The following SNX29 variants were observed in gnomAD, a reference collection of about 807,000 sequenced individuals.
SNX29 encodes sorting nexin 29.
SNX29 carries 78 observed loss-of-function variants against 102.1 expected under a neutral mutation model. The observed-to-expected ratio is 0.76, with a 90% CI of 0.64 to 0.92. SNX29 has a LOEUF of 0.92. Among genes scored for constraint, SNX29 ranks in the 40% least tolerant of loss-of-function variants. The pLI is 0.00. For synonymous variants in SNX29, 580 were observed against 414.5 expected (o/e 1.40, Z -4.85); for missense variants, 1,280 against 1,061.7 (o/e 1.21, Z -2.86).
intron 20 of SNX29, among the ~76,000 whole-genome samples, chr16:12,563,630 G>A (rs1055794388): frequency 7.2e-5 from 11 of 152,000 alleles, no homozygotes; most frequent in Non-Finnish European, 1.0e-4. Flanking sequence ...AGACTGTCCT[G>A]GCCCCAGAAG....
At chr16:12,532,542 A>T (rs367570707) in intron 20 of SNX29, among the ~76,000 whole-genome samples, 4 of 152,252 alleles carry the variant, frequency 2.6e-5, no homozygotes, top group East Asian at 3.8e-4. Context: ...TATGATTTGG[A>T]GAATTCCTAA....
intron 15 of SNX29, among the ~76,000 whole-genome samples, chr16:12,310,517 G>GAA (rs879421432): frequency 2.2e-5 from 3 of 135,136 alleles, no homozygotes; most frequent in African/African-American, 8.0e-5. Flanking sequence ...TGTGCCAAGT[G>GAA]AAAAAAAAAA....
At chr16:12,349,246 A>T (rs1421058739) in intron 15 of SNX29, among the ~76,000 whole-genome samples, 1 of 152,208 alleles carries the variant, frequency 6.6e-6, no homozygotes, top group African/African-American at 2.4e-5. Flanking sequence ...TGGGCTTTGG[A>T]GCCCTAATAA....
chr16:12,345,542 G>A (rs1025380008), intron 15 of SNX29, among the ~76,000 whole-genome samples: 1 of 152,232 alleles, frequency 6.6e-6, no homozygotes, highest in African/African-American at 2.4e-5. Flanking sequence ...GCATGAAAGA[G>A]CCTTTATGTC....
chr16:12,158,138 G>A (rs1294805051), intron 13 of SNX29, among the ~76,000 whole-genome samples: 1 of 151,982 alleles, frequency 6.6e-6, no homozygotes, highest in Non-Finnish European at 1.5e-5. Context: ...GATTGCAGTG[G>A]CGCCATCATG....
At chr16:12,199,850 G>T (rs774077617) in intron 14 of SNX29, among the ~76,000 whole-genome samples, 167 bp downstream of exon 14, 1 of 152,186 alleles carries the variant, frequency 6.6e-6, no homozygotes, top group African/African-American at 2.4e-5. Context: ...AACCTGATGC[G>T]TATCCCTGCA....
In SNX29 at chr16:12,501,671, A is replaced by G. The variant is rs566424265; in HGVS notation, c.2179-23031A>G. The stretch of plus-strand genomic sequence containing the variant: ...CGAGAGGCAGAGGTTCCAGTGGGCT[A>G]AGATCACACCACTGTACTACTCCAG... On this transcript the variant is annotated intron_variant, in intron 19 of 20. Coordinates refer to ENST00000566228, the MANE Select transcript of SNX29 (RefSeq NM_032167.5). Among the ~76,000 whole-genome samples the G allele has an allele frequency of 5.5e-5, 8 of 146,408 alleles. No homozygotes were observed. In the South Asian group the frequency reaches 1.8e-3, roughly 33 times the overall value.
intron 6 of SNX29, among the ~76,000 whole-genome samples, chr16:12,046,903 G>A (rs1296592296): frequency 6.6e-6 from 1 of 152,230 alleles, no homozygotes; most frequent in Non-Finnish European, 1.5e-5. Flanking sequence ...GCAGGTGTGA[G>A]CCACCGTGCC....
chr16:12,312,425 A>G (rs1412054652), intron 15 of SNX29, among the ~76,000 whole-genome samples: 3 of 152,170 alleles, frequency 2.0e-5, no homozygotes, highest in African/African-American at 7.2e-5. Flanking sequence ...GCCATTGGTG[A>G]GAGTGAGGGT....
At chr16:12,012,121 A>C (rs2056674458) in intron 3 of SNX29, among the ~76,000 whole-genome samples, 1 of 152,186 alleles carries the variant, frequency 6.6e-6, no homozygotes, top group Admixed American at 6.5e-5. Context: ...CAAGAAATTC[A>C]AAACTGAATC....
At chr16:11,983,970 C>G (rs2055495185) in intron 1 of SNX29, among the ~76,000 whole-genome samples, 2 of 152,136 alleles carry the variant, frequency 1.3e-5, no homozygotes, top group South Asian at 4.1e-4. Flanking sequence ...AGTACATAAA[C>G]AGATGTACAT....
intron 13 of SNX29, among the ~76,000 whole-genome samples, chr16:12,155,360 C>T (rs571986498): frequency 6.6e-6 from 1 of 152,166 alleles, no homozygotes; most frequent in African/African-American, 2.4e-5. Context: ...TAGCAAGCCA[C>T]TGGGAGGAGC....
chr16:12,003,059 C>A lies in SNX29; in HGVS notation c.122+16C>A, dbSNP rs370337051. 4.3e-6 allele frequency: 7 copies of A among 1,613,916 alleles called. No homozygotes were observed. Among genetic ancestry groups the A allele is most frequent in the African/African-American group, 4.0e-5 (3 of 74,930 alleles). On this transcript the variant is annotated intron_variant, in intron 3 of 20. Transcript: ENST00000566228. ...CCGACAGCAGGTAAATATGTCACTTCTAAAACCGTTGACCATCGAGGTTGG... is the reference window on the plus strand; with the variant it reads ...CCGACAGCAGGTAAATATGTCACTTATAAAACCGTTGACCATCGAGGTTGG...
In SNX29 at chr16:12,573,250, G is replaced by A. The variant is rs184636638; in HGVS notation, c.*4621G>A. The A allele has an allele frequency of 1.0e-3, 238 of 227,004 alleles. No individual in the cohort carries two copies. In the South Asian group the frequency reaches 0.012, roughly 11 times the overall value. 14.1% of individuals were successfully genotyped at this position (227,004 alleles called of 1,614,324 possible). A position where few individuals can be genotyped will look rare whatever the true frequency, so the allele number is the denominator to read the frequency against. On this transcript the variant is annotated 3_prime_UTR_variant, in exon 21 of 21. Coordinates refer to ENST00000566228, the MANE Select transcript of SNX29 (RefSeq NM_032167.5). ...TCCCATGGTTGTTGAAATGTACCTC[G>A]ATCAGTCATCTCTGGTATTCCTCAC... is the stretch of plus-strand genomic sequence containing the variant.
chr16:12,130,314 A>G (rs911271280), intron 13 of SNX29, among the ~76,000 whole-genome samples: 2 of 151,446 alleles, frequency 1.3e-5, no homozygotes, highest in African/African-American at 4.9e-5. Context: ...GTCTCTACTA[A>G]AAATACAAAA....
intron 20 of SNX29, among the ~76,000 whole-genome samples, chr16:12,554,947 A>C (rs1002610835): frequency 2.7e-5 from 4 of 150,846 alleles, no homozygotes; most frequent in African/African-American, 9.9e-5. Context: ...CGGCCTCTGG[A>C]GAAAACAATG....
At chr16:12,007,483 TGA>T (rs1471634736) in intron 3 of SNX29, among the ~76,000 whole-genome samples, 1 of 152,076 alleles carries the variant, frequency 6.6e-6, no homozygotes, top group Non-Finnish European at 1.5e-5. Context: ...GCAGCCTGAG[TGA>T]GAGAGTAAGA....
At chr16:12,294,268 C>T (rs996012178) in intron 15 of SNX29, among the ~76,000 whole-genome samples, 42 of 152,150 alleles carry the variant, frequency 2.8e-4, no homozygotes, top group Admixed American at 4.6e-4. Context: ...TCCTGTCACC[C>T]GTCATCTCTT....
chr16:12,245,168 G>A (rs1282655910), intron 14 of SNX29, among the ~76,000 whole-genome samples: 1 of 152,130 alleles, frequency 6.6e-6, no homozygotes, highest in African/African-American at 2.4e-5. Flanking sequence ...GTGGTTGAGA[G>A]CATATGCTCT....
Sources: gnomAD v4.1 joint callset for allele counts (sites outside exome capture counted in the v4.1 genomes callset) on GRCh38, gnomAD v4.1.1 for gene constraint, MANE v1.5 for transcripts, NCBI Gene and HGNC (gene_info 2026-07-23, HGNC 2026-07-21) for gene names.